Variants in CHERP observed in about 807,000 individuals in gnomAD.
The protein encoded by CHERP is calcium homeostasis endoplasmic reticulum protein, also known as ERPROT 213-21.
A neutral mutation model predicts 113.8 loss-of-function variants in CHERP; 8 were observed. The observed-to-expected ratio is 0.07, with a 90% CI of 0.04 to 0.13. The LOEUF is 0.13. CHERP is among the 10% of genes least tolerant of loss of function. The pLI is 1.00. For synonymous variants in CHERP, 559 were observed against 524.5 expected, an observed-to-expected ratio of 1.07 and a Z score of -0.90; for missense variants, 884 against 1,298.2, an observed-to-expected ratio of 0.68 and a Z score of 4.90.
intron 9 of CHERP, among the ~76,000 whole-genome samples, chr19:16,526,461 A>G (rs562693126): frequency 1.8e-4 from 27 of 152,260 alleles, no homozygotes; most frequent in African/African-American, 6.5e-4. Context: ...AATATCAGGA[A>G]CTACTTGTTT....
rs995820065 is a variant in CHERP, at chr19:16,532,459, C to G, written c.674+139G>C. 1.5e-4 allele frequency: 157 copies of G among 1,079,600 alleles called. No individual in the cohort carries two copies. The highest frequency in any genetic ancestry group is 1.9e-4 in the Non-Finnish European group (149 of 776,048). The allele number at this position is 1,079,600 out of a possible 1,614,324, so 66.9% of individuals were successfully genotyped here. A position where few individuals can be genotyped will look rare whatever the true frequency, so the allele number is the denominator to read the frequency against. ...AGCCTGGTGGCTCACAGAGACCCCCCACCCGGGGTCCCCGGACAAGTGCCC... is the reference window on the plus strand; with the variant it reads ...AGCCTGGTGGCTCACAGAGACCCCCGACCCGGGGTCCCCGGACAAGTGCCC... On this transcript the variant is annotated intron_variant, in intron 5 of 16. Transcript: ENST00000546361. This position sits in a 1 kb window ranked among gnomAD's most constrained non-coding sequence, Gnocchi z 4.4.
chr19:16,518,889 T>A lies in CHERP; in HGVS notation c.*270A>T. The A allele has an allele frequency of 2.0e-6, 1 of 492,346 alleles. No homozygotes were observed. Among genetic ancestry groups the A allele is most frequent in the Non-Finnish European group, 3.6e-6 (1 of 278,930 alleles). 30.5% of individuals were successfully genotyped at this position (492,346 alleles called of 1,614,324 possible). Reference sequence around the variant, plus strand: ...TTTACTCGGGCGGAGGGTCTTGTGTTTTTTGCTTCGCTATAAAGGAAAACG... The same window carrying A: ...TTTACTCGGGCGGAGGGTCTTGTGTATTTTGCTTCGCTATAAAGGAAAACG... On this transcript the variant is annotated 3_prime_UTR_variant, in exon 17 of 17. Coordinates refer to ENST00000546361, the MANE Select transcript of CHERP (RefSeq NM_006387.6).
chr19:16,529,630 G>A lies in CHERP; in HGVS notation c.1129+18C>T. ...GGGCTGTTTCCTGGGGGCAGGCTGA[G>A]CTGAGGGAGCCCCGTACCAGGCTGG... On this transcript the variant is annotated intron_variant, in intron 8 of 16. Transcript: ENST00000546361. 6.5e-7 allele frequency: 1 copy of A among 1,534,954 alleles called. No homozygotes were observed. Among genetic ancestry groups the A allele is most frequent in the Non-Finnish European group, 8.7e-7 (1 of 1,143,608 alleles).
At position 16,532,713 on chromosome 19, in the gene CHERP, G is replaced by C. The variant is rs775775971; in HGVS notation, c.559C>G (p.Pro187Ala). ...CCGGCCATCAGCTCACAGTGCGGCG[G>C]GGACTTGGCATTGCTGAACATCCAG... ...KNWMFSNAKS[P>A]PHCELMAGHL... The change falls in exon 5 of 17, where the codon CCG (proline) becomes GCG (alanine). Residue 187 changes from proline to alanine, a missense_variant. Pro to Ala is a conservative substitution (Grantham distance 27). Transcript: ENST00000546361. The surrounding 1 kb of genome is among the most constrained non-coding windows in gnomAD (Gnocchi z 4.4). 65 of 1,612,996 alleles carry C rather than the reference G, an allele frequency of 4.0e-5. No homozygotes were observed. Among genetic ancestry groups the C allele is most frequent in the South Asian group, 1.1e-4 (10 of 91,066 alleles).
Position 16,535,718 on chromosome 19 carries a change from G to A in CHERP, c.200-82C>T. ...CCCTTGGCCACCTCTCAGCCACAGGGGCCTCCCCCTCCCCAGGGACTCACC... is the reference window on the plus strand; with the variant it reads ...CCCTTGGCCACCTCTCAGCCACAGGAGCCTCCCCCTCCCCAGGGACTCACC... On this transcript the variant is annotated intron_variant, in intron 2 of 16. Coordinates refer to ENST00000546361, the MANE Select transcript of CHERP (RefSeq NM_006387.6). The surrounding 1 kb of genome is among the most constrained non-coding windows in gnomAD (Gnocchi z 4.3). The A allele has an allele frequency of 3.0e-6, 4 of 1,319,610 alleles. No homozygotes were observed. The African/African-American group carries it at 4.5e-5, about 15-fold the overall frequency. The allele number at this position is 1,319,610 out of a possible 1,614,324, so 81.7% of individuals were successfully genotyped here. A position where few individuals can be genotyped will look rare whatever the true frequency, so the allele number is the denominator to read the frequency against.
At position 16,519,585 on chromosome 19, in the gene CHERP, G is replaced by A. The variant is rs1424455087; in HGVS notation, c.2557+36C>T. On this transcript the variant is annotated intron_variant, in intron 16 of 16. Coordinates refer to ENST00000546361, the MANE Select transcript of CHERP (RefSeq NM_006387.6). The surrounding 1 kb of genome is among the most constrained non-coding windows in gnomAD (Gnocchi z 6.0). ...GACTCCCGGGCCCAGCACGCGTGAG[G>A]ACCCATCCCGCGCCCTCCCCATTCC... 2 of 1,568,128 alleles carry A rather than the reference G, an allele frequency of 1.3e-6. No homozygotes were observed. The highest frequency in any genetic ancestry group is 1.8e-6 in the Non-Finnish European group (2 of 1,138,632).
At chr19:16,542,172 G>C in intron 1 of CHERP, 129 bp from the exon 2 acceptor site, 1 of 1,181,300 alleles carries the variant, frequency 8.5e-7, no homozygotes, top group Non-Finnish European at 1.2e-6. Context: ...GGCCGCCCTT[G>C]TACGGGTCCC....
At chr19:16,539,934 G>C (rs2085766794) in intron 2 of CHERP, 1 of 152,344 alleles carries the variant, frequency 6.6e-6, no homozygotes, top group African/African-American at 2.4e-5. Flanking sequence ...CAACCCTCCA[G>C]CCTCAGCCTC....
Position 16,533,137 on chromosome 19 carries a change from T to G in CHERP, c.396A>C (p.Thr132=). Residue 132 remains threonine, a synonymous_variant, in exon 4 of 17, where the codon ACA becomes ACC. Coordinates refer to ENST00000546361, the MANE Select transcript of CHERP (RefSeq NM_006387.6). ...GCTCCACCGCGTGGGCCACGGCCGC[T>G]GTCACTTGCTCCTGCGGGCGGGGGT... ...HLLALRQEQV[T]AAVAHAVEQQ... 6.3e-7 allele frequency: 1 copy of G among 1,586,770 alleles called. No homozygotes were observed. The highest frequency in any genetic ancestry group is 8.6e-7 in the Non-Finnish European group (1 of 1,166,890).
In CHERP at chr19:16,518,898, C is replaced by A. The variant is rs116593693; in HGVS notation, c.*261G>T. 2.2e-3 allele frequency: 1,123 copies of A among 511,310 alleles called. 7 individuals are homozygous for A. The highest frequency in any genetic ancestry group is 0.018 in the African/African-American group (938 of 50,822). The allele number at this position is 511,310 out of a possible 1,614,324, so 31.7% of individuals were successfully genotyped here. On this transcript the variant is annotated 3_prime_UTR_variant, in exon 17 of 17. Coordinates refer to ENST00000546361, the MANE Select transcript of CHERP (RefSeq NM_006387.6). ...GCGGAGGGTCTTGTGTTTTTTGCTTCGCTATAAAGGAAAACGAGCCTGGGG... is the reference window on the plus strand; with the variant it reads ...GCGGAGGGTCTTGTGTTTTTTGCTTAGCTATAAAGGAAAACGAGCCTGGGG...
Position 16,525,674 on chromosome 19 carries a change from G to A in CHERP, c.1309C>T (p.Pro437Ser), listed in dbSNP as rs994398670. ...PVAPWGQQQP[P>S]EQPPYPHHQG... Reference sequence around the variant, plus strand: ...TGGTGCGGGTAGGGTGGCTGCTCTGGCGGCTGCAAGGGAAGGGACAGGCTT... The same window carrying A: ...TGGTGCGGGTAGGGTGGCTGCTCTGACGGCTGCAAGGGAAGGGACAGGCTT... Residue 437 changes from proline (P) to serine (S), a missense_variant, in exon 10 of 17, where the codon CCA (proline) becomes TCA (serine). This residue lies in a region of CHERP where 464 missense variants were observed against 590.1 expected (regional missense o/e 0.79). Coordinates refer to ENST00000546361, the MANE Select transcript of CHERP (RefSeq NM_006387.6). This position sits in a 1 kb window ranked among gnomAD's most constrained non-coding sequence, Gnocchi z 6.5. The A allele has an allele frequency of 2.0e-6, 3 of 1,510,374 alleles. No homozygotes were observed. The African/African-American group carries it at 4.1e-5, about 21-fold the overall frequency. The allele number at this position is 1,510,374 out of a possible 1,614,324, so 93.6% of individuals were successfully genotyped here.
chr19:16,540,278 G>T (rs1455001471), intron 2 of CHERP, among the ~76,000 whole-genome samples: 1 of 151,922 alleles, frequency 6.6e-6, no homozygotes, highest in Non-Finnish European at 1.5e-5. Flanking sequence ...TGTTGGCCAG[G>T]CTGGTCTCGA....
intron 9 of CHERP, among the ~76,000 whole-genome samples, chr19:16,527,337 G>A (rs551359449): frequency 6.6e-6 from 1 of 152,334 alleles, no homozygotes; most frequent in Non-Finnish European, 1.5e-5. Context: ...CTTTTGTGAG[G>A]TTCAATTTCG....
Position 16,519,366 on chromosome 19 carries a change from C to T in CHERP, c.2558-14G>A, listed in dbSNP as rs372810351. ...AGCCGCTCCAGCCTGGAAACAGAGA[C>T]GCAGTCACAACCACAACAAGGCGGA... On this transcript the variant is annotated splice_polypyrimidine_tract_variant and intron_variant, in intron 16 of 16. Coordinates refer to ENST00000546361, the MANE Select transcript of CHERP (RefSeq NM_006387.6). The surrounding 1 kb of genome is among the most constrained non-coding windows in gnomAD (Gnocchi z 6.0). 4.7e-5 allele frequency: 75 copies of T among 1,607,502 alleles called. No homozygotes were observed. In the Middle Eastern group the frequency reaches 5.0e-4, roughly 11 times the overall value.
chr19:16,528,987 TCTG>T (rs2085676243), intron 8 of CHERP, among the ~76,000 whole-genome samples: 1 of 152,174 alleles, frequency 6.6e-6, no homozygotes, highest in Admixed American at 6.5e-5. Context: ...TTTGCTAGAT[TCTG>T]CTAAGATTTC....
In CHERP at chr19:16,523,697, G is replaced by A. The variant is rs1390218686; in HGVS notation, c.1742-407C>T. ...GTGGCCCGAATCCAACGTGACTGTTGCCGTTATAATAAGAGATTAGGACAC... is the reference window on the plus strand; with the variant it reads ...GTGGCCCGAATCCAACGTGACTGTTACCGTTATAATAAGAGATTAGGACAC... On this transcript the variant is annotated intron_variant, in intron 10 of 16. Transcript: ENST00000546361. This position sits in a 1 kb window ranked among gnomAD's most constrained non-coding sequence, Gnocchi z 4.0. 1.3e-5 allele frequency among the ~76,000 whole-genome samples: 2 copies of A among 152,034 alleles called. No individual in the cohort carries two copies. The highest frequency in any genetic ancestry group is 6.6e-5 in the Admixed American group (1 of 15,252).
chr19:16,524,275 C>G (rs1456873209), intron 10 of CHERP, among the ~76,000 whole-genome samples: 2 of 151,678 alleles, frequency 1.3e-5, no homozygotes, highest in African/African-American at 4.8e-5. Flanking sequence ...CAACAAAAGG[C>G]CAAGCGAGGT....
chr19:16,519,171 G>A lies in CHERP; in HGVS notation c.2739C>T (p.Asp913=), dbSNP rs528371549. The A allele has an allele frequency of 1.8e-5, 29 of 1,613,406 alleles. No individual in the cohort carries two copies. The highest frequency in any genetic ancestry group is 6.7e-5 in the East Asian group (3 of 44,872). Residue 913 remains aspartate (D), a synonymous_variant, in exon 17 of 17, where the codon GAC becomes GAT. Transcript: ENST00000546361. This position sits in a 1 kb window ranked among gnomAD's most constrained non-coding sequence, Gnocchi z 6.0. ...CCGGCATGGGCGCCTACTTACACTC[G>A]TCCCTGGCCTTCATGCGGGCGATGA... is the stretch of plus-strand genomic sequence containing the variant. The part of the protein sequence containing the change: ...YSFIARMKAR[D]ECK
In CHERP at chr19:16,535,467, C is replaced by G; in HGVS notation, c.369G>C (p.Leu123Phe). 1 of 1,609,270 alleles carries G rather than the reference C, an allele frequency of 6.2e-7. No individual in the cohort carries two copies. The highest frequency in any genetic ancestry group is 8.5e-7 in the Non-Finnish European group (1 of 1,177,996). The change falls in exon 3 of 17, where the codon TTG becomes TTC. Residue 123 changes from leucine to phenylalanine, a missense_variant. By Grantham distance (22) the Leu-to-Phe change is conservative. Coordinates refer to ENST00000546361, the MANE Select transcript of CHERP (RefSeq NM_006387.6). The surrounding 1 kb of genome is among the most constrained non-coding windows in gnomAD (Gnocchi z 4.3). ...QWNLQQQEQHLLALRQEQVTA... is the reference protein window; with the variant it reads ...QWNLQQQEQHFLALRQEQVTA... ...GGGCCCATACCTGTCTGAGCGCCAG[C>G]AAGTGCTGCTCCTGCTGCTGGAGGT...
Sources: gnomAD v4.1 joint callset for allele counts (sites outside exome capture counted in the v4.1 genomes callset) on GRCh38, gnomAD v4.1.1 for gene constraint, gnomAD v4.1.1 regional missense constraint, Gnocchi (gnomAD v3.1) non-coding constraint, MANE v1.5 for transcripts, NCBI Gene and HGNC (gene_info 2026-07-23, HGNC 2026-07-21) for gene names.